Variants in NPAS3 observed in about 807,000 individuals in gnomAD.
NPAS3 encodes neuronal PAS domain protein 3.
A neutral mutation model predicts 73.1 loss-of-function variants in NPAS3; 14 were observed. The observed-to-expected ratio is 0.19, with a 90% CI of 0.13 to 0.30. The LOEUF (loss-of-function observed/expected upper bound fraction) is 0.30. Among genes scored for constraint, NPAS3 ranks in the 10% least tolerant of loss-of-function variants. The pLI is 1.00. For synonymous variants in NPAS3, 620 were observed against 541.5 expected (o/e 1.14, Z -2.01); for missense variants, 1,096 against 1,250.0 (o/e 0.88, Z 1.86).
intron 4 of NPAS3, among the ~76,000 whole-genome samples, chr14:33,475,198 G>A (rs2050966077): frequency 6.6e-6 from 1 of 152,120 alleles, no homozygotes; most frequent in South Asian, 2.1e-4. Flanking sequence ...AAAACGAAAA[G>A]AGAAGGCCTC....
chr14:33,088,042 T>C (rs1204628542), intron 2 of NPAS3, among the ~76,000 whole-genome samples: 12 of 152,182 alleles, frequency 7.9e-5, no homozygotes, highest in Non-Finnish European at 1.3e-4. Context: ...CATTTAACAA[T>C]TGCCCACCAC....
At chr14:33,792,714 A>C (rs1023979715) in intron 9 of NPAS3, among the ~76,000 whole-genome samples, 6 of 152,258 alleles carry the variant, frequency 3.9e-5, no homozygotes, top group Non-Finnish European at 7.3e-5. Flanking sequence ...GTTTAGAGCA[A>C]GATGATTAAT....
At chr14:33,339,514 G>A (rs1442260424) in intron 3 of NPAS3, among the ~76,000 whole-genome samples, 2 of 152,210 alleles carry the variant, frequency 1.3e-5, no homozygotes. Flanking sequence ...GGCAGTTTAT[G>A]CTACATAGTC....
At chr14:33,462,875 T>C (rs1467597348) in intron 4 of NPAS3, among the ~76,000 whole-genome samples, 1 of 152,190 alleles carries the variant, frequency 6.6e-6, no homozygotes, top group East Asian at 1.9e-4. Context: ...GTTATCTTAT[T>C]GAGCTGATAA....
chr14:32,997,805 C>A (rs893222098), intron 1 of NPAS3, among the ~76,000 whole-genome samples: 1 of 151,770 alleles, frequency 6.6e-6, no homozygotes, highest in African/African-American at 2.4e-5. Flanking sequence ...TCCTTGCCTT[C>A]CACCATGATT....
chr14:32,939,269 A>C (rs1595046089), upstream of NPAS3: 8 of 449,372 alleles, frequency 1.8e-5, no homozygotes, highest in Middle Eastern at 4.4e-4. Context: ...CCCACCCGGG[A>C]GGGGGGAGAG....
intron 4 of NPAS3, among the ~76,000 whole-genome samples, chr14:33,515,330 A>G (rs572685800): frequency 1.5e-3 from 232 of 152,246 alleles, no homozygotes; most frequent in African/African-American, 5.5e-3. Context: ...TTGAATGGGC[A>G]TATTTACATT....
At chr14:33,044,527 G>A (rs1013461707) in intron 1 of NPAS3, among the ~76,000 whole-genome samples, 1 of 152,176 alleles carries the variant, frequency 6.6e-6, no homozygotes, top group Non-Finnish European at 1.5e-5. Context: ...ATTTAGGGAA[G>A]TCTGTGTAGT....
chr14:33,683,674 G>A (rs1258947618), intron 6 of NPAS3, among the ~76,000 whole-genome samples: 1 of 152,190 alleles, frequency 6.6e-6, no homozygotes, highest in Admixed American at 6.5e-5. Flanking sequence ...AGGGTGCACA[G>A]ATCAGAAGAG....
intron 4 of NPAS3, among the ~76,000 whole-genome samples, chr14:33,405,141 C>T (rs573507718): frequency 3.9e-5 from 6 of 152,090 alleles, no homozygotes; most frequent in East Asian, 1.9e-4. Flanking sequence ...GTGGGAATGG[C>T]GGGTAATGGC....
intron 1 of NPAS3, among the ~76,000 whole-genome samples, chr14:33,037,998 C>T (rs114194181): frequency 0.013 from 2,042 of 152,284 alleles, 41 homozygotes; most frequent in African/African-American, 0.046. Context: ...TCTAACTTCC[C>T]CCTGCCTGTG....
intron 2 of NPAS3, among the ~76,000 whole-genome samples, chr14:33,208,806 G>C (rs1230547430): frequency 6.6e-6 from 1 of 152,136 alleles, no homozygotes; most frequent in Non-Finnish European, 1.5e-5. Context: ...GTTACACTTT[G>C]CTTCCAAACA....
At chr14:33,685,544 G>A (rs2060065358) in intron 6 of NPAS3, among the ~76,000 whole-genome samples, 1 of 152,112 alleles carries the variant, frequency 6.6e-6, no homozygotes, top group South Asian at 2.1e-4. Context: ...TCTGCCTGTT[G>A]CTTTTTCTGG....
chr14:33,729,245 T>G (rs1393082270), intron 6 of NPAS3, among the ~76,000 whole-genome samples: 1 of 152,184 alleles, frequency 6.6e-6, no homozygotes, highest in Non-Finnish European at 1.5e-5. Flanking sequence ...TCAGGTAGTG[T>G]GCCCTACACA....
intron 9 of NPAS3, among the ~76,000 whole-genome samples, chr14:33,783,190 G>A (rs889342684): frequency 1.3e-5 from 2 of 152,214 alleles, no homozygotes; most frequent in African/African-American, 4.8e-5. Context: ...GTTGGTTTGG[G>A]TATGCAGCCA....
At chr14:33,785,122 G>A (rs549014339) in intron 9 of NPAS3, among the ~76,000 whole-genome samples, 2 of 151,656 alleles carry the variant, frequency 1.3e-5, no homozygotes, top group South Asian at 2.1e-4. Flanking sequence ...TATAAGGCAC[G>A]ATCAGAAGAA....
At chr14:33,314,415 G>A (rs1170779467) in intron 3 of NPAS3, among the ~76,000 whole-genome samples, 1 of 152,134 alleles carries the variant, frequency 6.6e-6, no homozygotes, top group East Asian at 1.9e-4. Context: ...TTGACCTTCA[G>A]TTGGCTCCAC....
At chr14:33,228,677 G>A (rs563076875) in intron 3 of NPAS3, among the ~76,000 whole-genome samples, 1 of 152,030 alleles carries the variant, frequency 6.6e-6, no homozygotes, top group South Asian at 2.1e-4. Flanking sequence ...ATGCAAAGTG[G>A]GGGAAAAAAG....
chr14:33,677,209 G>A (rs189020828), intron 6 of NPAS3, among the ~76,000 whole-genome samples: 15 of 152,322 alleles, frequency 9.8e-5, no homozygotes, highest in African/African-American at 3.6e-4. Flanking sequence ...ATTCTTTGCT[G>A]ATTGGGGCTT....
Sources: allele counts gnomAD v4.1 joint callset (sites outside exome capture counted in the v4.1 genomes callset), GRCh38; gene constraint gnomAD v4.1.1; transcripts MANE v1.5; gene names NCBI Gene and HGNC (gene_info 2026-07-23, HGNC 2026-07-21).